NFATC1: variants seen among roughly 807,000 people sequenced by gnomAD.
NFATC1 encodes nuclear factor of activated T-cells, cytoplasmic 1.
A neutral mutation model predicts 76.0 loss-of-function variants in NFATC1; 22 were observed. The ratio of observed to expected loss-of-function variants is 0.29; its 90% confidence interval spans 0.21 to 0.41. NFATC1 has a LOEUF of 0.41. Among genes scored for constraint, NFATC1 ranks in the 10% least tolerant of loss-of-function variants. NFATC1 has a pLI of 1.00. For missense variants in NFATC1, 1,357 were observed against 1,337.7 expected (o/e 1.01, Z -0.23); for synonymous variants, 704 against 613.1 (o/e 1.15, Z -2.19).
intron 8 of NFATC1, among the ~76,000 whole-genome samples, chr18:79,474,755 G>A (rs1427155451): frequency 2.4e-4 from 36 of 148,952 alleles, no homozygotes; most frequent in African/African-American, 6.0e-4. Flanking sequence ...TGAGGGAAGC[G>A]TGTTCTCACG....
chr18:79,507,970 A>G (rs969573692), intron 9 of NFATC1, among the ~76,000 whole-genome samples: 1 of 152,240 alleles, frequency 6.6e-6, no homozygotes, highest in African/African-American at 2.4e-5. Context: ...CCTGTTATGT[A>G]CTTTCCCTTT....
chr18:79,507,000 T>C (rs2090133073), intron 9 of NFATC1, among the ~76,000 whole-genome samples: 1 of 152,220 alleles, frequency 6.6e-6, no homozygotes, highest in African/African-American at 2.4e-5. Flanking sequence ...AGCCTGATAC[T>C]GGGACAATGG....
At chr18:79,397,304 T>C (rs2085041220) in intron 1 of NFATC1, among the ~76,000 whole-genome samples, 2 of 152,278 alleles carry the variant, frequency 1.3e-5, no homozygotes, top group South Asian at 4.1e-4. Flanking sequence ...ATATTTTATA[T>C]AATTTATTTA....
chr18:79,503,440 G>T (rs184822203), intron 9 of NFATC1, among the ~76,000 whole-genome samples: 1 of 152,182 alleles, frequency 6.6e-6, no homozygotes, highest in African/African-American at 2.4e-5. Context: ...TGCATTGTCC[G>T]TGAGCAGTAA....
Position 79,410,729 on chromosome 18 carries a change from C to T in NFATC1, c.454C>T (p.Pro152Ser). 6.2e-7 allele frequency: 1 copy of T among 1,613,084 alleles called. No homozygotes were observed. The highest frequency in any genetic ancestry group is 8.5e-7 in the Non-Finnish European group (1 of 1,180,008). ...CGTCCTCCCTAGCTCCAAACGGTCC[C>T]CCTCCACGGCCACGCTGAGTCTGCC... ...EDVLPSSKRS[P>S]STATLSLPSL... The change falls in exon 2 of 10, where the codon CCC becomes TCC. Residue 152 changes from proline (P) to serine (S), a missense_variant. Transcript: ENST00000427363. This position sits in a 1 kb window ranked among gnomAD's most constrained non-coding sequence, Gnocchi z 6.7.
chr18:79,402,475 AG>A, intron 1 of NFATC1: 1 of 856,590 alleles, frequency 1.2e-6, no homozygotes, highest in Non-Finnish European at 1.4e-6. Context: ...TCACCCTCGC[AG>A]GCACCCTGGG....
intron 6 of NFATC1, among the ~76,000 whole-genome samples, chr18:79,457,363 G>A (rs2087789336): frequency 1.3e-5 from 2 of 152,184 alleles, no homozygotes; most frequent in Admixed American, 6.5e-5. Flanking sequence ...TCTGGATAGC[G>A]CTAGGGGCGA....
At chr18:79,399,741 C>G (rs1015397377) in intron 1 of NFATC1, among the ~76,000 whole-genome samples, 5 of 151,870 alleles carry the variant, frequency 3.3e-5, no homozygotes, top group Non-Finnish European at 7.4e-5. Flanking sequence ...CAGGAGAGGC[C>G]GGTGGGTGCC....
intron 6 of NFATC1, chr18:79,452,046 C>T (rs549864095): frequency 4.9e-5 from 22 of 452,538 alleles, no homozygotes; most frequent in South Asian, 4.5e-4. Context: ...TTTCTGGGGC[C>T]GCCGGGGCCA....
intron 9 of NFATC1, among the ~76,000 whole-genome samples, chr18:79,514,219 T>G (rs1308056149): frequency 6.6e-6 from 1 of 151,884 alleles, no homozygotes; most frequent in East Asian, 1.9e-4. Context: ...GGCAGGAGGA[T>G]TGGTGAGCCA....
intron 3 of NFATC1, among the ~76,000 whole-genome samples, chr18:79,446,876 CG>C (rs971960122): frequency 2.0e-5 from 3 of 152,234 alleles, no homozygotes; most frequent in African/African-American, 7.2e-5. Context: ...CGTGTTCCCA[CG>C]TGATGCCTTC....
chr18:79,445,825 G>A (rs1277877014), intron 3 of NFATC1, among the ~76,000 whole-genome samples: 8 of 152,180 alleles, frequency 5.3e-5, no homozygotes, highest in Non-Finnish European at 1.0e-4. Context: ...ATTCCCACCC[G>A]TGAGCTGCCT....
intron 8 of NFATC1, among the ~76,000 whole-genome samples, chr18:79,478,103 G>A (rs1488818838): frequency 4.1e-4 from 4 of 9,778 alleles, no homozygotes; most frequent in Non-Finnish European, 5.7e-4. Flanking sequence ...CCAGGCCCCC[G>A]TTCTTGCCCC....
At chr18:79,522,073 G>GTGTTT (rs2090612229) in intron 9 of NFATC1, among the ~76,000 whole-genome samples, 1 of 85,296 alleles carries the variant, frequency 1.2e-5, no homozygotes, top group African/African-American at 4.9e-5. Flanking sequence ...ACTGATGTGT[G>GTGTTT]TGTCTGTTGG....
rs1202832518 is a variant in NFATC1, at chr18:79,455,102, G to A, written c.1903+3286G>A. Among the ~76,000 whole-genome samples, 4 of 152,236 alleles carry A rather than the reference G, an allele frequency of 2.6e-5. No homozygotes were observed. In the East Asian group the frequency reaches 7.7e-4, roughly 29 times the overall value. On this transcript the variant is annotated intron_variant, in intron 6 of 9. Transcript: ENST00000427363. The stretch of plus-strand genomic sequence containing the variant: ...CAGAAGGCGCAAGGTTCTGAGATGT[G>A]GATGCATCAAACATGAGCCAGTTCT...
At chr18:79,455,995 T>C (rs2087705480) in intron 6 of NFATC1, among the ~76,000 whole-genome samples, 1 of 152,068 alleles carries the variant, frequency 6.6e-6, no homozygotes, top group Non-Finnish European at 1.5e-5. Flanking sequence ...ATTTTTCAAA[T>C]AAAGGGACCA....
chr18:79,429,387 A>G (rs7231498), intron 2 of NFATC1, among the ~76,000 whole-genome samples: 39,515 of 151,246 alleles, frequency 0.26, 5,462 homozygotes, highest in African/African-American at 0.37. Context: ...TTATTTTTTC[A>G]GTTGTGTTGA....
At chr18:79,517,663 T>C (rs1406848262) in intron 9 of NFATC1, among the ~76,000 whole-genome samples, 1 of 152,260 alleles carries the variant, frequency 6.6e-6, no homozygotes, top group Non-Finnish European at 1.5e-5. Flanking sequence ...CAGGACGTTC[T>C]GATGTCTGAT....
chr18:79,457,420 GCGTCA>G (rs1306774175), intron 6 of NFATC1, among the ~76,000 whole-genome samples: 1 of 152,112 alleles, frequency 6.6e-6, no homozygotes, highest in Non-Finnish European at 1.5e-5. Flanking sequence ...GGGAGGCCAC[GCGTCA>G]CGTCAGTCCC....
Sources: gnomAD v4.1 joint callset for allele counts (sites outside exome capture counted in the v4.1 genomes callset) on GRCh38, gnomAD v4.1.1 for gene constraint, Gnocchi (gnomAD v3.1) non-coding constraint, MANE v1.5 for transcripts, NCBI Gene and HGNC (gene_info 2026-07-23, HGNC 2026-07-21) for gene names.